Variants in HRH1 observed in about 807,000 individuals in gnomAD.
HRH1 encodes histamine H1 receptor.
A neutral mutation model predicts 10.3 loss-of-function variants in HRH1; 6 were observed. The ratio of observed to expected loss-of-function variants is 0.58; its 90% CI spans 0.32 to 1.15. The LOEUF (loss-of-function observed/expected upper bound fraction) is 1.15, where lower values mean the gene tolerates loss of function less well. Ranked by LOEUF, HRH1 falls within the 50% of genes most tolerant of loss-of-function variation. The probability of loss-of-function intolerance (pLI) is 0.05; values close to 1 mark genes in which losing one functional copy is unlikely to be tolerated. For missense variants in HRH1, 514 were observed against 615.3 expected, an observed-to-expected ratio of 0.84 and a Z score of 1.74; for synonymous variants, 242 against 236.7, an observed-to-expected ratio of 1.02 and a Z score of -0.21.
intron 1 of HRH1, among the ~76,000 whole-genome samples, chr3:11,209,730 G>A (rs1189668034): frequency 1.3e-5 from 2 of 152,212 alleles, no homozygotes; most frequent in African/African-American, 4.8e-5. Context: ...CCTTCTTGCT[G>A]TGTCCTCACA....
upstream of HRH1, among the ~76,000 whole-genome samples, chr3:11,150,859 G>C (rs1936597091): frequency 6.6e-6 from 1 of 152,156 alleles, no homozygotes. Flanking sequence ...AAGGGGATTT[G>C]GTTACCGAGC....
chr3:11,231,994 ATTT>A (rs57276171), intron 1 of HRH1, among the ~76,000 whole-genome samples: 3 of 139,848 alleles, frequency 2.1e-5, no homozygotes. Flanking sequence ...TTTTGAGTTA[ATTT>A]TTTTTTTTTT....
chr3:11,204,544 T>G (rs1938045820), intron 1 of HRH1, among the ~76,000 whole-genome samples: 2 of 152,098 alleles, frequency 1.3e-5, no homozygotes, highest in African/African-American at 4.8e-5. Context: ...TGAAATAAGC[T>G]GACGCTCACT....
At chr3:11,182,389 A>G (rs1170151718) in intron 1 of HRH1, among the ~76,000 whole-genome samples, 2 of 152,194 alleles carry the variant, frequency 1.3e-5, no homozygotes, top group African/African-American at 4.8e-5. Flanking sequence ...AAAGTACGTA[A>G]TGGGCCTGAC....
intron 1 of HRH1, among the ~76,000 whole-genome samples, chr3:11,244,494 G>A (rs548327947): frequency 7.9e-5 from 12 of 152,352 alleles, no homozygotes; most frequent in African/African-American, 2.9e-4. Flanking sequence ...AATGGGCCAG[G>A]TACAGGATGG....
chr3:11,250,453 C>T (rs921413454), intron 1 of HRH1, among the ~76,000 whole-genome samples: 6 of 152,044 alleles, frequency 3.9e-5, no homozygotes, highest in African/African-American at 1.4e-4. Context: ...GTCCGGACTG[C>T]TGTCTCAGTT....
At chr3:11,234,270 C>G in intron 1 of HRH1, 1 of 1,559,462 alleles carries the variant, frequency 6.4e-7, no homozygotes, top group East Asian at 2.3e-5. Context: ...GACCCCACCT[C>G]TTCTTTGGTT....
At chr3:11,184,984 G>A (rs1358056181) in intron 1 of HRH1, among the ~76,000 whole-genome samples, 5 of 151,192 alleles carry the variant, frequency 3.3e-5, no homozygotes, top group Non-Finnish European at 5.9e-5. Flanking sequence ...TTTAGCCATC[G>A]GCTTTGTTTT....
At chr3:11,182,993 T>C (rs1937386316) in intron 1 of HRH1, among the ~76,000 whole-genome samples, 1 of 152,210 alleles carries the variant, frequency 6.6e-6, no homozygotes, top group Non-Finnish European at 1.5e-5. Flanking sequence ...TTTATTGTTA[T>C]TATATCAGAA....
chr3:11,227,201 G>A (rs562293704), intron 1 of HRH1, among the ~76,000 whole-genome samples: 53 of 152,212 alleles, frequency 3.5e-4, no homozygotes, highest in Non-Finnish European at 6.5e-4. Flanking sequence ...TCAGTCACCT[G>A]TAGTGCAGAG....
intron 1 of HRH1, among the ~76,000 whole-genome samples, chr3:11,190,719 G>T (rs888101863): frequency 4.6e-5 from 7 of 152,066 alleles, no homozygotes; most frequent in Admixed American, 6.6e-5. Flanking sequence ...AATTAGCTGG[G>T]TGTGGCCTAT....
chr3:11,237,879 T>C (rs942041864), intron 1 of HRH1, among the ~76,000 whole-genome samples: 2 of 152,036 alleles, frequency 1.3e-5, no homozygotes, highest in Non-Finnish European at 2.9e-5. Flanking sequence ...AGTTTCACCA[T>C]ATTGGCCAGG....
chr3:11,196,953 C>CAAAAAAAAA (rs35134148), intron 1 of HRH1, among the ~76,000 whole-genome samples: 151 of 110,032 alleles, frequency 1.4e-3, no homozygotes, highest in Non-Finnish European at 1.6e-3. Flanking sequence ...ACTAAAAATA[C>CAAAAAAAAA]AAAAAAAAAA....
chr3:11,249,343 C>T (rs866136668), intron 1 of HRH1, among the ~76,000 whole-genome samples: 1 of 142,142 alleles, frequency 7.0e-6, no homozygotes, highest in African/African-American at 2.7e-5. Context: ...GCAGAGCTTG[C>T]AGTGAGCCGA....
intron 1 of HRH1, among the ~76,000 whole-genome samples, chr3:11,204,867 C>T (rs533243750): frequency 2.0e-5 from 3 of 152,284 alleles, no homozygotes; most frequent in South Asian, 2.1e-4. Context: ...GTGCAGTCCC[C>T]GCTGGGTAGC....
At position 11,260,713 on chromosome 3, in the gene HRH1, C is replaced by A; in HGVS notation, c.*212C>A. ...GAGAGATTGAACTTTGAGGAGGAAG[C>A]AGAATCTTTGCAAGAAAGTCAGACC... On this transcript the variant is annotated 3_prime_UTR_variant, in exon 2 of 2. Transcript: ENST00000431010. The A allele has an allele frequency of 2.0e-6, 1 of 507,548 alleles. No individual in the cohort carries two copies. The highest frequency in any genetic ancestry group is 1.9e-5 in the African/African-American group (1 of 51,810). The allele number at this position is 507,548 out of a possible 1,614,324, so 31.4% of individuals were successfully genotyped here.
At chr3:11,161,714 A>C (rs1400604641) in intron 1 of HRH1, among the ~76,000 whole-genome samples, 2 of 152,218 alleles carry the variant, frequency 1.3e-5, no homozygotes, top group Non-Finnish European at 2.9e-5. Flanking sequence ...CTGGGCAAGG[A>C]TAAGTTATTT....
At chr3:11,147,793 C>G (rs1559251322) in intron 1 of HRH1, among the ~76,000 whole-genome samples, 1 of 152,100 alleles carries the variant, frequency 6.6e-6, no homozygotes, top group Non-Finnish European at 1.5e-5. Context: ...TTCTAAATAT[C>G]ATGATGGACT....
At chr3:11,222,268 A>C (rs1041108310) in intron 1 of HRH1, among the ~76,000 whole-genome samples, 1 of 152,158 alleles carries the variant, frequency 6.6e-6, no homozygotes, top group African/African-American at 2.4e-5. Context: ...CACAGCTGGA[A>C]GTGTGCACAG....
Sources: gnomAD v4.1 joint callset for allele counts (sites outside exome capture counted in the v4.1 genomes callset) on GRCh38, gnomAD v4.1.1 for gene constraint, MANE v1.5 for transcripts, NCBI Gene and HGNC (gene_info 2026-07-23, HGNC 2026-07-21) for gene names.